The following ROBO2 variants were observed in gnomAD, a reference collection of about 807,000 sequenced individuals.
The protein encoded by ROBO2 is roundabout homolog 2.
ROBO2 carries 53 observed loss-of-function variants against 160.8 expected under a neutral mutation model. That is an observed-to-expected ratio of 0.33 (90% CI 0.26 to 0.41). ROBO2 has a LOEUF of 0.41. Ranked by LOEUF, ROBO2 falls within the 10% of genes least tolerant of loss-of-function variation. The pLI, the probability that ROBO2 is intolerant of heterozygous loss-of-function variation, is 1.00. For missense variants in ROBO2, 1,577 were observed against 1,722.4 expected (o/e 0.92, Z 1.49); for synonymous variants, 664 against 611.7 (o/e 1.09, Z -1.26).
intron 2 of ROBO2, among the ~76,000 whole-genome samples, chr3:76,123,163 A>G (rs1256487031): frequency 4.6e-5 from 7 of 152,056 alleles, no homozygotes; most frequent in Non-Finnish European, 1.5e-5. Context: ...AATTAATTGA[A>G]GCAAATACTC....
rs773106994 is a variant in ROBO2 at position 76,172,107 on chromosome 3, C to T, written c.109+234505C>T. 1.2e-4 allele frequency among the ~76,000 whole-genome samples: 19 copies of T among 152,130 alleles called. No individual in the cohort carries two copies. The Middle Eastern group carries it at 0.014, about 110-fold the overall frequency. On this transcript the variant is annotated intron_variant, in intron 2 of 26. Coordinates refer to the ROBO2 transcript ENST00000487694. Reference sequence around the variant, plus strand: ...CTGCTATTGAAAACCACTGCCCATGCGATAGTTTGCTGAGAATGATGGTTT... The same window carrying T: ...CTGCTATTGAAAACCACTGCCCATGTGATAGTTTGCTGAGAATGATGGTTT...
At chr3:77,306,082 A>G (rs975970086) in intron 2 of ROBO2, among the ~76,000 whole-genome samples, 9 of 152,112 alleles carry the variant, frequency 5.9e-5, no homozygotes, top group Admixed American at 5.9e-4. Context: ...AGAAAGAAAA[A>G]TCACTTAAAT....
chr3:76,694,731 C>T (rs779111415), intron 2 of ROBO2, among the ~76,000 whole-genome samples: 1 of 152,028 alleles, frequency 6.6e-6, no homozygotes, highest in Non-Finnish European at 1.5e-5. Context: ...TGGGAAATCA[C>T]CCTTTTATGA....
chr3:75,985,596 A>G (rs1258865064), intron 2 of ROBO2, among the ~76,000 whole-genome samples: 3 of 151,590 alleles, frequency 2.0e-5, no homozygotes. Flanking sequence ...AAACATCATT[A>G]TGTGGTTTAT....
intron 8 of ROBO2, among the ~76,000 whole-genome samples, chr3:77,556,805 C>G (rs1045987837): frequency 2.6e-5 from 4 of 151,748 alleles, no homozygotes; most frequent in Non-Finnish European, 5.9e-5. Context: ...CATATATATT[C>G]TTTTATATAC....
intron 2 of ROBO2, among the ~76,000 whole-genome samples, chr3:76,114,962 A>T (rs1290854462): frequency 6.6e-6 from 1 of 152,114 alleles, no homozygotes; most frequent in African/African-American, 2.4e-5. Context: ...CATGTGGCTG[A>T]TTAAGATGAC....
chr3:76,493,995 C>T (rs1346320577), intron 2 of ROBO2, among the ~76,000 whole-genome samples: 2 of 152,118 alleles, frequency 1.3e-5, no homozygotes, highest in Non-Finnish European at 1.5e-5. Context: ...CACTCCCAGG[C>T]ATGTACCCCA....
At chr3:76,391,978 T>C (rs1401781723) in intron 2 of ROBO2, among the ~76,000 whole-genome samples, 1 of 152,158 alleles carries the variant, frequency 6.6e-6, no homozygotes, top group Non-Finnish European at 1.5e-5. Context: ...CATAATAAAG[T>C]AGTCTTTAAG....
chr3:77,417,584 CT>C (rs1419654260), intron 2 of ROBO2, among the ~76,000 whole-genome samples: 1 of 152,080 alleles, frequency 6.6e-6, no homozygotes, highest in East Asian at 1.9e-4. Flanking sequence ...GAATAGAATG[CT>C]TACTTGACCA....
At chr3:77,373,117 T>C (rs2072035810) in intron 2 of ROBO2, among the ~76,000 whole-genome samples, 1 of 147,094 alleles carries the variant, frequency 6.8e-6, no homozygotes, top group Non-Finnish European at 1.5e-5. Context: ...TTAAAATTAT[T>C]ATAAAAGTTA....
intron 2 of ROBO2, among the ~76,000 whole-genome samples, chr3:76,344,718 G>C (rs754626781): frequency 6.6e-6 from 1 of 152,110 alleles, no homozygotes; most frequent in Non-Finnish European, 1.5e-5. Flanking sequence ...TATATGTTCT[G>C]TTTTGAATAG....
intron 2 of ROBO2, among the ~76,000 whole-genome samples, chr3:76,473,634 G>T (rs1360935471): frequency 4.6e-5 from 7 of 152,128 alleles, no homozygotes; most frequent in African/African-American, 1.7e-4. Flanking sequence ...CATATAAGGG[G>T]ATAGAGGTGA....
chr3:76,716,651 G>T (rs1209924621), intron 2 of ROBO2, among the ~76,000 whole-genome samples: 2 of 152,170 alleles, frequency 1.3e-5, no homozygotes, highest in Non-Finnish European at 2.9e-5. Context: ...CAAATTGGTT[G>T]TTTACCTAGC....
intron 2 of ROBO2, among the ~76,000 whole-genome samples, chr3:77,215,604 T>C (rs546673727): frequency 8.1e-4 from 123 of 152,290 alleles, no homozygotes; most frequent in African/African-American, 2.8e-3. Context: ...CTGTCCAGCT[T>C]TGTTCCATTG....
intron 2 of ROBO2, among the ~76,000 whole-genome samples, chr3:76,903,681 T>C (rs1577366525): frequency 6.6e-6 from 1 of 152,172 alleles, no homozygotes; most frequent in African/African-American, 2.4e-5. Flanking sequence ...ATTCAGTTCA[T>C]TCTTTATTTT....
chr3:77,088,334 C>G (rs1028851953), intron 1 of ROBO2, among the ~76,000 whole-genome samples: 1 of 152,122 alleles, frequency 6.6e-6, no homozygotes, highest in Non-Finnish European at 1.5e-5. Context: ...TTTTAAAGAT[C>G]TTTGCTGAAT....
intron 2 of ROBO2, among the ~76,000 whole-genome samples, chr3:76,390,302 CA>C (rs2077086456): frequency 6.6e-6 from 1 of 151,930 alleles, no homozygotes; most frequent in South Asian, 2.1e-4. Context: ...ATTAAAACTT[CA>C]AAATAATCTT....
At chr3:76,430,987 T>A (rs142415869) in intron 2 of ROBO2, among the ~76,000 whole-genome samples, 1,690 of 152,204 alleles carry the variant, frequency 0.011, 26 homozygotes, top group African/African-American at 0.037. Flanking sequence ...ACTAATAAAA[T>A]AATAGTCATT....
At chr3:76,336,385 A>G (rs563511382) in intron 2 of ROBO2, among the ~76,000 whole-genome samples, 1 of 152,338 alleles carries the variant, frequency 6.6e-6, no homozygotes, top group South Asian at 2.1e-4. Context: ...GCCCAGCTAA[A>G]TGTTATCACT....
Sources: allele counts gnomAD v4.1 joint callset (sites outside exome capture counted in the v4.1 genomes callset), GRCh38; gene constraint gnomAD v4.1.1; transcripts MANE v1.5; gene names NCBI Gene and HGNC (gene_info 2026-07-23, HGNC 2026-07-21).